Variants in GRK4 observed in about 807,000 individuals in gnomAD.
GRK4 encodes G protein-coupled receptor kinase 2-like.
In GRK4, 73 loss-of-function variants were observed where a neutral mutation model predicts 77.9. The observed-to-expected ratio is 0.94, with a 90% CI of 0.78 to 1.14. The LOEUF (loss-of-function observed/expected upper bound fraction) is 1.14. Among genes scored for constraint, GRK4 ranks in the 50% most tolerant of loss-of-function variants. The pLI is 0.00. For missense variants in GRK4, 729 were observed against 700.2 expected, an observed-to-expected ratio of 1.04 and a Z score of -0.46; for synonymous variants, 257 against 254.4, an observed-to-expected ratio of 1.01 and a Z score of -0.10.
chr4:3,018,851 C>G (rs1027458737), intron 8 of GRK4, among the ~76,000 whole-genome samples: 1 of 152,130 alleles, frequency 6.6e-6, no homozygotes, highest in Non-Finnish European at 1.5e-5. Flanking sequence ...TGCACTCCAG[C>G]CTGGGCGACA....
At chr4:2,991,417 C>T (rs1392723702) in intron 3 of GRK4, among the ~76,000 whole-genome samples, 1 of 152,204 alleles carries the variant, frequency 6.6e-6, no homozygotes, top group Non-Finnish European at 1.5e-5. Flanking sequence ...CATAGCCTGC[C>T]CAGTTGGCAT....
At chr4:2,969,167 G>T (rs1182721916) in intron 1 of GRK4, 1 of 152,340 alleles carries the variant, frequency 6.6e-6, no homozygotes, top group African/African-American at 2.4e-5. Context: ...GAAGGTAGAA[G>T]ACACTGGATA....
intron 3 of GRK4, among the ~76,000 whole-genome samples, chr4:2,990,873 G>A (rs1269392094): frequency 6.6e-6 from 1 of 152,086 alleles, no homozygotes; most frequent in African/African-American, 2.4e-5. Context: ...ATGTCTGATT[G>A]TGCCATTTTG....
At chr4:3,038,609 C>T (rs1019699764) in intron 15 of GRK4, 96 bp downstream of exon 15, 14 of 1,370,672 alleles carry the variant, frequency 1.0e-5, no homozygotes, top group African/African-American at 1.5e-5. Flanking sequence ...TTTCTGTTTG[C>T]GATGGCTCCT....
chr4:2,980,582 T>C (rs904153724), intron 1 of GRK4, among the ~76,000 whole-genome samples: 3 of 151,840 alleles, frequency 2.0e-5, no homozygotes, highest in Non-Finnish European at 2.9e-5. Flanking sequence ...GGAAGCCTTG[T>C]CTTCCTTGGG....
intron 1 of GRK4, chr4:2,969,246 C>A (rs1474760986): frequency 6.6e-6 from 1 of 152,166 alleles, no homozygotes; most frequent in Non-Finnish European, 1.5e-5. Flanking sequence ...TAAAAGACTG[C>A]TCTTTCTAGT....
At chr4:2,984,711 A>G (rs772255136) in intron 2 of GRK4, 103 bp downstream of exon 2, 1 of 538,314 alleles carries the variant, frequency 1.9e-6, no homozygotes, top group Non-Finnish European at 3.2e-6. Context: ...CAAACATTTT[A>G]TGATAAATTC....
chr4:2,987,654 T>A (rs1401864801), intron 2 of GRK4, among the ~76,000 whole-genome samples: 5 of 152,172 alleles, frequency 3.3e-5, no homozygotes, highest in East Asian at 1.9e-4. Flanking sequence ...AGAAGCAGAA[T>A]TGTTGGCCAG....
intron 4 of GRK4, 107 bp from the exon 5 acceptor site, chr4:3,004,124 A>G: frequency 1.2e-6 from 1 of 866,390 alleles, no homozygotes; most frequent in Non-Finnish European, 1.9e-6. Context: ...TTTGACTTTC[A>G]TTTTATACAC....
At chr4:2,979,084 G>A (rs1044421336) in intron 1 of GRK4, among the ~76,000 whole-genome samples, 43 of 152,030 alleles carry the variant, frequency 2.8e-4, no homozygotes, top group African/African-American at 1.0e-3. Context: ...AATTAGCCAG[G>A]CATGGTGATG....
chr4:3,025,943 C>T (rs893390380), intron 10 of GRK4, among the ~76,000 whole-genome samples: 3 of 152,194 alleles, frequency 2.0e-5, no homozygotes, highest in South Asian at 2.1e-4. Context: ...ACTGAATATA[C>T]GGTGGAGATG....
At chr4:2,994,535 T>C (rs896633885) in intron 4 of GRK4, among the ~76,000 whole-genome samples, 3 of 152,170 alleles carry the variant, frequency 2.0e-5, no homozygotes, top group African/African-American at 7.2e-5. Context: ...ATTATTCTTT[T>C]TAAATTAGCT....
chr4:3,009,481 C>T (rs1732267967), intron 6 of GRK4, among the ~76,000 whole-genome samples, 167 bp from the exon 7 acceptor site: 1 of 151,694 alleles, frequency 6.6e-6, no homozygotes, highest in Non-Finnish European at 1.5e-5. Context: ...AAGAGCTATC[C>T]TGCTAGAGGG....
At chr4:2,997,926 G>C (rs972818392) in intron 4 of GRK4, among the ~76,000 whole-genome samples, 1 of 129,800 alleles carries the variant, frequency 7.7e-6, no homozygotes, top group East Asian at 2.1e-4. Flanking sequence ...AAAAAAAAAA[G>C]TAAAAGACTA....
chr4:2,975,341 G>A (rs1720797027), intron 1 of GRK4, among the ~76,000 whole-genome samples: 1 of 152,146 alleles, frequency 6.6e-6, no homozygotes. Flanking sequence ...TTTCCTCCAT[G>A]AGGGCCAGAC....
At chr4:2,972,311 G>T (rs922000480) in intron 1 of GRK4, among the ~76,000 whole-genome samples, 5 of 152,086 alleles carry the variant, frequency 3.3e-5, no homozygotes. Flanking sequence ...GACTCATCAT[G>T]CTCTGCCTGG....
Position 3,040,632 on chromosome 4 carries a change from C to T in GRK4, c.*7C>T, listed in dbSNP as rs373257813. The stretch of plus-strand genomic sequence containing the variant: ...GGAACCCAAGCAATGCTGAGCACCC[C>T]GGTGCGGACCACAGAGCAGACCCTG... On this transcript the variant is annotated 3_prime_UTR_variant, in exon 16 of 16. Coordinates refer to ENST00000398052, the MANE Select transcript of GRK4 (RefSeq NM_182982.3). 23 of 1,609,210 alleles carry T rather than the reference C, an allele frequency of 1.4e-5. No homozygotes were observed. Among genetic ancestry groups the T allele is most frequent in the Non-Finnish European group, 1.9e-5 (22 of 1,177,834 alleles).
At chr4:3,001,097 G>A (rs569194047) in intron 4 of GRK4, among the ~76,000 whole-genome samples, 9 of 87,506 alleles carry the variant, frequency 1.0e-4, no homozygotes, top group African/African-American at 2.0e-4. Flanking sequence ...ATATGTGTGT[G>A]TGTGTGTGTA....
intron 1 of GRK4, among the ~76,000 whole-genome samples, chr4:2,981,035 G>T (rs1303111142): frequency 6.6e-6 from 1 of 152,248 alleles, no homozygotes; most frequent in African/African-American, 2.4e-5. Flanking sequence ...TACCTGCTGT[G>T]GCTGTGGCTA....
Sources: allele counts gnomAD v4.1 joint callset (sites outside exome capture counted in the v4.1 genomes callset), GRCh38; gene constraint gnomAD v4.1.1; transcripts MANE v1.5; gene names NCBI Gene and HGNC (gene_info 2026-07-23, HGNC 2026-07-21).